Variants in TFEC observed in about 807,000 individuals in gnomAD.
TFEC encodes the protein transcription factor EC.
In TFEC, 31 loss-of-function variants were observed where a neutral mutation model predicts 41.6. That is an observed-to-expected ratio of 0.74 (90% CI 0.56 to 1.01). The LOEUF (loss-of-function observed/expected upper bound fraction) is 1.01, where lower values mean the gene tolerates loss of function less well. TFEC is among the 50% of genes least tolerant of loss of function. TFEC has a pLI of 0.00. For missense variants in TFEC, 402 were observed against 404.1 expected, an observed-to-expected ratio of 0.99 and a Z score of 0.04; for synonymous variants, 143 against 140.6, an observed-to-expected ratio of 1.02 and a Z score of -0.12.
chr7:116,066,864 T>G (rs186962724), intron 3 of TFEC, among the ~76,000 whole-genome samples: 256 of 152,100 alleles, frequency 1.7e-3, no homozygotes, highest in Non-Finnish European at 2.6e-3. Flanking sequence ...GTTTACACAG[T>G]GCAAGTATGT....
Position 116,029,706 on chromosome 7 carries a change from A to ATG in TFEC, c.-73+926_-73+927insCA, listed in dbSNP as rs1562942715. Among the ~76,000 whole-genome samples the ATG allele has an allele frequency of 5.9e-5, 9 of 152,072 alleles. No individual in the cohort carries two copies. In the East Asian group the frequency reaches 1.7e-3, roughly 29 times the overall value. ...GCAAATGTATATATACAGCATATAT[A>ATG]TATGTATGTACATGTGTATAAATAT... is the stretch of plus-strand genomic sequence containing the variant. On this transcript the variant is annotated intron_variant, in intron 1 of 7. Coordinates refer to ENST00000265440, the MANE Select transcript of TFEC (RefSeq NM_012252.4).
intron 1 of TFEC, among the ~76,000 whole-genome samples, chr7:116,004,387 T>A (rs1351138262): frequency 1.3e-5 from 2 of 152,224 alleles, no homozygotes; most frequent in Admixed American, 1.3e-4. Flanking sequence ...CATATCCTTA[T>A]GCATTTGTCC....
At chr7:116,001,902 AC>A (rs1794612834) in intron 1 of TFEC, among the ~76,000 whole-genome samples, 1 of 152,130 alleles carries the variant, frequency 6.6e-6, no homozygotes, top group African/African-American at 2.4e-5. Flanking sequence ...AAGAAGACAT[AC>A]AAAAAGGTAT....
At chr7:116,112,452 A>G (rs1345971679) in intron 1 of TFEC, among the ~76,000 whole-genome samples, 1 of 151,998 alleles carries the variant, frequency 6.6e-6, no homozygotes, top group Non-Finnish European at 1.5e-5. Flanking sequence ...GTTATTTCTC[A>G]TATCATTAGA....
chr7:116,152,839 T>G (rs1378862895), intron 1 of TFEC, among the ~76,000 whole-genome samples: 1 of 152,154 alleles, frequency 6.6e-6, no homozygotes, highest in African/African-American at 2.4e-5. Flanking sequence ...ATGGTCGATA[T>G]CCAAGCAAAA....
chr7:116,074,994 G>C (rs559131754), intron 3 of TFEC, among the ~76,000 whole-genome samples: 1 of 152,074 alleles, frequency 6.6e-6, no homozygotes, highest in Admixed American at 6.6e-5. Flanking sequence ...TCTCGAAAAC[G>C]TTATGCTTAT....
chr7:115,945,449 G>A (rs1791479749), intron 6 of TFEC, among the ~76,000 whole-genome samples: 1 of 151,704 alleles, frequency 6.6e-6, no homozygotes, highest in South Asian at 2.2e-4. Flanking sequence ...GACCCTCATT[G>A]CTAAACCCTA....
At chr7:116,133,886 T>C (rs962304297) in intron 1 of TFEC, among the ~76,000 whole-genome samples, 13 of 152,006 alleles carry the variant, frequency 8.6e-5, no homozygotes, top group Admixed American at 2.6e-4. Context: ...GTTAAGCAGG[T>C]AAAAGAGAAG....
intron 1 of TFEC, among the ~76,000 whole-genome samples, chr7:116,153,534 A>G (rs1331993409): frequency 6.6e-6 from 1 of 152,050 alleles, no homozygotes; most frequent in Non-Finnish European, 1.5e-5. Flanking sequence ...ATTACAGCGT[A>G]AGCCACCGTG....
chr7:115,956,189 T>G (rs1792215075), intron 4 of TFEC, among the ~76,000 whole-genome samples: 2 of 151,966 alleles, frequency 1.3e-5, no homozygotes, highest in Non-Finnish European at 2.9e-5. Flanking sequence ...CAGGGTTTAT[T>G]TTCAATTAAG....
chr7:116,020,656 C>T (rs781663429), intron 1 of TFEC, among the ~76,000 whole-genome samples: 3 of 152,034 alleles, frequency 2.0e-5, no homozygotes, highest in South Asian at 2.1e-4. Flanking sequence ...AAATAGAATA[C>T]GTAAAGTGAC....
Position 115,944,013 on chromosome 7 carries a change from A to ATTTTTTTTTTTTTT in TFEC, c.516-1987_516-1974dup, listed in dbSNP as rs1160114562. Among the ~76,000 whole-genome samples, 102 of 22,836 alleles carry ATTTTTTTTTTTTTT rather than the reference A, an allele frequency of 4.5e-3. 25 individuals carry two copies. Among genetic ancestry groups the ATTTTTTTTTTTTTT allele is most frequent in the Non-Finnish European group, 7.5e-3 (72 of 9,652 alleles). 15.0% of individuals were successfully genotyped at this position (22,836 alleles called of 152,430 possible). ...GAAAATAATACTATGACAGGTCTGA[A>ATTTTTTTTTTTTTT]TTTTTTTTTTTTTTTTTTTTTTTTT... is the stretch of plus-strand genomic sequence containing the variant. On this transcript the variant is annotated intron_variant, in intron 6 of 7. Transcript: ENST00000265440.
intron 3 of TFEC, among the ~76,000 whole-genome samples, chr7:116,109,789 G>A (rs1415120334): frequency 1.7e-4 from 26 of 152,220 alleles, no homozygotes; most frequent in South Asian, 4.1e-4. Flanking sequence ...TGTTTATTGC[G>A]GCACCATTCA....
At chr7:116,050,135 AGAACT>A (rs1244424619) in intron 3 of TFEC, among the ~76,000 whole-genome samples, 1 of 152,200 alleles carries the variant, frequency 6.6e-6, no homozygotes, top group Admixed American at 6.5e-5. Context: ...AGATCAGAAC[AGAACT>A]GAAGGAGATA....
intron 3 of TFEC, among the ~76,000 whole-genome samples, chr7:116,059,552 C>T (rs2402028): frequency 0.27 from 40,666 of 151,730 alleles, 5,603 homozygotes; most frequent in East Asian, 0.39. Flanking sequence ...AACTACAAAT[C>T]GGTATCCTTT....
chr7:115,959,185 T>G (rs1190390341), intron 3 of TFEC, among the ~76,000 whole-genome samples: 1 of 151,756 alleles, frequency 6.6e-6, no homozygotes, highest in Non-Finnish European at 1.5e-5. Flanking sequence ...AACATTATTA[T>G]TAACAAAAAA....
chr7:115,963,077 C>T (rs956631032), intron 3 of TFEC, among the ~76,000 whole-genome samples: 1 of 151,700 alleles, frequency 6.6e-6, no homozygotes, highest in Non-Finnish European at 1.5e-5. Flanking sequence ...GTTCAACTCC[C>T]ACTTCTGAGT....
At chr7:116,075,714 A>G (rs1796942999) in intron 3 of TFEC, among the ~76,000 whole-genome samples, 1 of 152,070 alleles carries the variant, frequency 6.6e-6, no homozygotes, top group Non-Finnish European at 1.5e-5. Context: ...TCATCCCCAC[A>G]GCAGCAAGCC....
At chr7:115,962,087 C>T (rs34518908) in intron 3 of TFEC, among the ~76,000 whole-genome samples, 20,766 of 151,570 alleles carry the variant, frequency 0.14, 1,925 homozygotes, top group Non-Finnish European at 0.21. Flanking sequence ...AAAACTATTC[C>T]ATTTAAATAG....
Sources: gnomAD v4.1 joint callset for allele counts (sites outside exome capture counted in the v4.1 genomes callset) on GRCh38, gnomAD v4.1.1 for gene constraint, MANE v1.5 for transcripts, NCBI Gene and HGNC (gene_info 2026-07-23, HGNC 2026-07-21) for gene names.